NCOA1: variants seen among roughly 807,000 people sequenced by gnomAD.
NCOA1 encodes the protein nuclear receptor coactivator 1, also known as Hin-2 protein.
In NCOA1, 35 loss-of-function variants were observed where a neutral mutation model predicts 150.9. The ratio of observed to expected loss-of-function variants is 0.23; its 90% CI spans 0.18 to 0.31. The LOEUF (loss-of-function observed/expected upper bound fraction) is 0.31, where lower values mean the gene tolerates loss of function less well. Ranked by LOEUF, NCOA1 falls within the 10% of genes least tolerant of loss-of-function variation. NCOA1 has a pLI of 1.00. For synonymous variants in NCOA1, 590 were observed against 630.0 expected (o/e 0.94, Z 0.95); for missense variants, 1,491 against 1,749.3 (o/e 0.85, Z 2.63).
At chr2:24,660,302 GAC>G (rs1304851409) in intron 5 of NCOA1, among the ~76,000 whole-genome samples, 1 of 151,960 alleles carries the variant, frequency 6.6e-6, no homozygotes, top group African/African-American at 2.4e-5. Flanking sequence ...TATAGGCGAA[GAC>G]ACTATATCAT....
At chr2:24,596,284 G>A (rs1170658921) in intron 3 of NCOA1, among the ~76,000 whole-genome samples, 1 of 152,074 alleles carries the variant, frequency 6.6e-6, no homozygotes, top group East Asian at 1.9e-4. Flanking sequence ...GAATACTTGT[G>A]GAAAATTATA....
intron 1 of NCOA1, among the ~76,000 whole-genome samples, chr2:24,497,282 T>C (rs1663261011): frequency 6.6e-6 from 1 of 152,158 alleles, no homozygotes. Context: ...TTCTGGACTT[T>C]CTTTCTCTTG....
intron 3 of NCOA1, among the ~76,000 whole-genome samples, chr2:24,641,030 TAG>T (rs2148456268): frequency 6.6e-6 from 1 of 152,196 alleles, no homozygotes; most frequent in Admixed American, 6.5e-5. Flanking sequence ...CATTTTTTAG[TAG>T]AGTGCTAACA....
At chr2:24,748,418 T>C (rs1411806272) in intron 19 of NCOA1, among the ~76,000 whole-genome samples, 1 of 152,080 alleles carries the variant, frequency 6.6e-6, no homozygotes, top group East Asian at 1.9e-4. Context: ...AAGACCAGCC[T>C]CACCAATATG....
intron 3 of NCOA1, among the ~76,000 whole-genome samples, chr2:24,604,488 A>AT (rs1668269149): frequency 6.6e-6 from 1 of 152,238 alleles, no homozygotes; most frequent in Non-Finnish European, 1.5e-5. Context: ...CTTCTGGATA[A>AT]CTTGCTGCAG....
At chr2:24,662,135 C>T (rs1159198337) in intron 5 of NCOA1, among the ~76,000 whole-genome samples, 1 of 152,188 alleles carries the variant, frequency 6.6e-6, no homozygotes, top group Non-Finnish European at 1.5e-5. Flanking sequence ...ATGTTTCTGT[C>T]TCCCCAAACA....
Position 24,742,174 on chromosome 2 carries a change from T to C in NCOA1, c.3694T>C (p.Tyr1232His). 4 of 1,611,662 alleles carry C rather than the reference T, an allele frequency of 2.5e-6. No homozygotes were observed. Among genetic ancestry groups the C allele is most frequent in the Non-Finnish European group, 2.5e-6 (3 of 1,178,568 alleles). Residue 1232 changes from tyrosine to histidine, a missense_variant, in exon 19 of 23, where the codon TAT (tyrosine) becomes CAT (histidine). Transcript: ENST00000348332. ...TCAGATGCAGCAGAATGTCTTCCAG[T>C]ATCCAGGAGCAGGTAGGAAGGTCAC... Reference protein sequence around the residue: ...NPQMQQNVFQYPGAGMVPQGE... With the variant: ...NPQMQQNVFQHPGAGMVPQGE...
At chr2:24,492,345 G>T (rs1282158338) in intron 1 of NCOA1, among the ~76,000 whole-genome samples, 1 of 152,134 alleles carries the variant, frequency 6.6e-6, no homozygotes, top group African/African-American at 2.4e-5. Context: ...AATTCGGGCC[G>T]CTCTCTAGTC....
At chr2:24,645,166 A>T (rs1194983310) in intron 4 of NCOA1, among the ~76,000 whole-genome samples, 2 of 152,116 alleles carry the variant, frequency 1.3e-5, no homozygotes, top group Non-Finnish European at 2.9e-5. Context: ...GAAGATATTC[A>T]TCTAATCTTA....
intron 3 of NCOA1, among the ~76,000 whole-genome samples, chr2:24,627,022 C>T (rs1270426713): frequency 2.0e-5 from 3 of 151,258 alleles, no homozygotes; most frequent in African/African-American, 7.3e-5. Context: ...AATATGTATA[C>T]TGAGGTATAC....
chr2:24,516,937 T>TATGTATATATACAC (rs1664201746), intron 1 of NCOA1, among the ~76,000 whole-genome samples: 1 of 90,278 alleles, frequency 1.1e-5, no homozygotes. Flanking sequence ...CGTGTGTATA[T>TATGTATATATACAC]ATATACGTAT....
intron 1 of NCOA1, chr2:24,492,306 A>C (rs1663007264): frequency 6.6e-6 from 1 of 152,002 alleles, no homozygotes; most frequent in Non-Finnish European, 1.5e-5. Flanking sequence ...GGCGATTGGG[A>C]GGTGGGGTTG....
At chr2:24,529,749 ATTCTC>A (rs1298066136) in intron 1 of NCOA1, among the ~76,000 whole-genome samples, 3 of 152,170 alleles carry the variant, frequency 2.0e-5, no homozygotes, top group Non-Finnish European at 2.9e-5. Flanking sequence ...TCAGATATAT[ATTCTC>A]TTTAGTACTG....
intron 1 of NCOA1, among the ~76,000 whole-genome samples, chr2:24,515,275 C>G (rs1664116255): frequency 6.6e-6 from 1 of 152,194 alleles, no homozygotes; most frequent in Admixed American, 6.5e-5. Context: ...GTCTGTTACC[C>G]AGGCTGGAGT....
chr2:24,496,528 T>G (rs1371322138), intron 1 of NCOA1, among the ~76,000 whole-genome samples: 3 of 152,240 alleles, frequency 2.0e-5, no homozygotes, highest in Admixed American at 6.5e-5. Flanking sequence ...TTGATTTTTA[T>G]CACTCCCTTA....
At chr2:24,691,396 A>C (rs1211380198) in intron 8 of NCOA1, 85 bp from the exon 9 acceptor site, 1 of 1,268,344 alleles carries the variant, frequency 7.9e-7, no homozygotes, top group African/African-American at 1.5e-5. Flanking sequence ...AATTAAGCAG[A>C]TGGCTTAAAG....
At chr2:24,645,335 C>CAAA (rs549749004) in intron 4 of NCOA1, among the ~76,000 whole-genome samples, 2 of 80,352 alleles carry the variant, frequency 2.5e-5, no homozygotes, top group African/African-American at 9.5e-5. Context: ...ACTAAAAATA[C>CAAA]AAAAAAAAAA....
At chr2:24,535,315 C>T (rs1665085437) in intron 1 of NCOA1, among the ~76,000 whole-genome samples, 1 of 152,052 alleles carries the variant, frequency 6.6e-6, no homozygotes, top group Non-Finnish European at 1.5e-5. Context: ...AGATCTTCCT[C>T]CATCCCTTTA....
chr2:24,646,739 A>C (rs1020121855), intron 4 of NCOA1, among the ~76,000 whole-genome samples: 2 of 150,910 alleles, frequency 1.3e-5, no homozygotes, highest in African/African-American at 4.9e-5. Context: ...GGTTATCTTA[A>C]ATAACAAAGT....
Sources: gnomAD v4.1 joint callset for allele counts (sites outside exome capture counted in the v4.1 genomes callset) on GRCh38, gnomAD v4.1.1 for gene constraint, MANE v1.5 for transcripts, NCBI Gene and HGNC (gene_info 2026-07-23, HGNC 2026-07-21) for gene names.